The following RBFOX1 variants were observed in gnomAD, a reference collection of about 807,000 sequenced individuals.
RBFOX1 encodes the protein RNA binding protein fox-1 homolog 1.
Under a neutral mutation model 57.7 loss-of-function variants are expected in RBFOX1, and 8 were observed. The observed-to-expected ratio is 0.14, with a 90% CI of 0.08 to 0.25. RBFOX1 has a LOEUF of 0.25. Ranked by LOEUF, RBFOX1 falls within the 10% of genes least tolerant of loss-of-function variation. RBFOX1 has a pLI of 1.00. For missense variants in RBFOX1, 611 were observed against 548.5 expected (o/e 1.11, Z -1.14); for synonymous variants, 326 against 222.4 (o/e 1.47, Z -4.15).
At chr16:5,757,007 T>C (rs2053421633) in intron 3 of RBFOX1, among the ~76,000 whole-genome samples, 1 of 152,196 alleles carries the variant, frequency 6.6e-6, no homozygotes, top group Admixed American at 6.5e-5. Flanking sequence ...AATAGAAATT[T>C]ACTAATGATT....
chr16:7,615,658 T>A (rs1261651573), intron 10 of RBFOX1, among the ~76,000 whole-genome samples: 1 of 152,134 alleles, frequency 6.6e-6, no homozygotes, highest in Non-Finnish European at 1.5e-5. Context: ...TGGAGTGACC[T>A]TTCTCTTAGG....
chr16:7,220,237 A>G (rs2092619951), intron 4 of RBFOX1, among the ~76,000 whole-genome samples: 1 of 152,216 alleles, frequency 6.6e-6, no homozygotes, highest in African/African-American at 2.4e-5. Flanking sequence ...TAAGAGAAGG[A>G]TAATTCAATA....
At chr16:6,505,979 A>G (rs1305144517) in intron 2 of RBFOX1, among the ~76,000 whole-genome samples, 1 of 152,180 alleles carries the variant, frequency 6.6e-6, no homozygotes, top group Non-Finnish European at 1.5e-5. Context: ...AAATCACATC[A>G]TCACAATAGC....
intron 10 of RBFOX1, among the ~76,000 whole-genome samples, chr16:7,629,598 G>A (rs2060614657): frequency 6.6e-6 from 1 of 152,182 alleles, no homozygotes; most frequent in Admixed American, 6.5e-5. Flanking sequence ...TATTTTCAAA[G>A]TCTTGGAGTT....
intron 5 of RBFOX1, among the ~76,000 whole-genome samples, chr16:7,577,487 A>G (rs17144160): frequency 0.11 from 17,090 of 152,248 alleles, 1,626 homozygotes; most frequent in African/African-American, 0.26. Context: ...CTCTTCTCTT[A>G]GACATCTCCC....
intron 2 of RBFOX1, among the ~76,000 whole-genome samples, chr16:5,555,055 TTTAA>T (rs2045617047): frequency 6.6e-6 from 1 of 152,158 alleles, no homozygotes; most frequent in African/African-American, 2.4e-5. Context: ...AGAAGTTTTC[TTTAA>T]TTAATAAATG....
chr16:7,533,463 T>C (rs545251416), intron 5 of RBFOX1, among the ~76,000 whole-genome samples: 3 of 152,328 alleles, frequency 2.0e-5, no homozygotes, highest in Admixed American at 6.5e-5. Context: ...TGCAGATGCT[T>C]CTTGACTTAT....
chr16:6,863,718 G>A (rs1188814780), intron 3 of RBFOX1, among the ~76,000 whole-genome samples: 2 of 70,468 alleles, frequency 2.8e-5, no homozygotes, highest in Non-Finnish European at 5.6e-5. Context: ...CAAATTGGAT[G>A]CCTGCGCTTT....
At chr16:5,648,758 G>A (rs2049131053) in intron 3 of RBFOX1, among the ~76,000 whole-genome samples, 1 of 152,042 alleles carries the variant, frequency 6.6e-6, no homozygotes, top group Non-Finnish European at 1.5e-5. Flanking sequence ...CTTTTTATTT[G>A]CATATTTTAA....
chr16:6,730,928 G>C (rs993832355), intron 3 of RBFOX1, among the ~76,000 whole-genome samples: 2 of 152,160 alleles, frequency 1.3e-5, no homozygotes, highest in African/African-American at 2.4e-5. Flanking sequence ...ATCTTTGACA[G>C]GTTCCCCAGC....
intron 2 of RBFOX1, among the ~76,000 whole-genome samples, chr16:6,567,147 T>A: frequency 6.6e-6 from 1 of 152,200 alleles, no homozygotes; most frequent in East Asian, 1.9e-4. Context: ...GGTTTGGGGA[T>A]AATGTTGACC....
At chr16:5,289,765 G>C (rs929578027) in intron 1 of RBFOX1, among the ~76,000 whole-genome samples, 1 of 152,214 alleles carries the variant, frequency 6.6e-6, no homozygotes, top group Non-Finnish European at 1.5e-5. Flanking sequence ...TATAAATGGA[G>C]AGAGGGAGCT....
At chr16:5,593,179 A>T (rs4786728) in intron 2 of RBFOX1, among the ~76,000 whole-genome samples, 2 of 152,050 alleles carry the variant, frequency 1.3e-5, no homozygotes, top group Non-Finnish European at 2.9e-5. Context: ...GGATGAGTTC[A>T]TGTCCTTTGC....
Position 6,107,701 on chromosome 16 carries a change from GTGGA to G in RBFOX1, c.-127+87723_-127+87726del, listed in dbSNP as rs1295055488. Among the ~76,000 whole-genome samples the G allele has an allele frequency of 1.7e-4, 21 of 120,522 alleles. No individual in the cohort carries two copies. The East Asian group carries it at 4.2e-3, about 24-fold the overall frequency. The allele number at this position is 120,522 out of a possible 152,430, so 79.1% of individuals were successfully genotyped here. On this transcript the variant is annotated intron_variant, in intron 1 of 15. Coordinates refer to ENST00000550418, the MANE Select transcript of RBFOX1 (RefSeq NM_018723.4). ...GATGGATAGGTGGGTGGGTGGGTGA[GTGGA>G]TGGATGGATGGATTTGTGGGTGGGT...
chr16:7,014,901 A>AT (rs1389504413), intron 3 of RBFOX1, among the ~76,000 whole-genome samples: 3 of 151,412 alleles, frequency 2.0e-5, no homozygotes, highest in African/African-American at 4.9e-5. Flanking sequence ...ATTTTTTTGT[A>AT]TTTTTACTAG....
intron 4 of RBFOX1, among the ~76,000 whole-genome samples, chr16:5,932,301 T>C (rs574504588): frequency 6.6e-6 from 1 of 152,352 alleles, no homozygotes; most frequent in East Asian, 1.9e-4. Flanking sequence ...AGAAGGTCTG[T>C]GGGACTGAGG....
intron 3 of RBFOX1, among the ~76,000 whole-genome samples, chr16:5,853,106 G>A (rs920408378): frequency 3.9e-5 from 6 of 152,044 alleles, no homozygotes; most frequent in African/African-American, 1.5e-4. Context: ...GTCATCTCTT[G>A]TGTAGAGAAA....
intron 4 of RBFOX1, among the ~76,000 whole-genome samples, chr16:7,315,004 T>A (rs1277072318): frequency 2.0e-5 from 3 of 152,142 alleles, no homozygotes; most frequent in Non-Finnish European, 4.4e-5. Context: ...TTTATTTTTT[T>A]CCTAATTGGA....
chr16:6,130,172 CAGAT>C (rs1483950712), intron 1 of RBFOX1, among the ~76,000 whole-genome samples: 7 of 152,000 alleles, frequency 4.6e-5, no homozygotes, highest in Admixed American at 1.3e-4. Context: ...TTGGGGAAAA[CAGAT>C]AGTTTACAAT....
Sources: gnomAD v4.1 joint callset for allele counts (sites outside exome capture counted in the v4.1 genomes callset) on GRCh38, gnomAD v4.1.1 for gene constraint, MANE v1.5 for transcripts, NCBI Gene and HGNC (gene_info 2026-07-23, HGNC 2026-07-21) for gene names.